TMEM187: variants seen among roughly 807,000 people sequenced by gnomAD.
The protein encoded by TMEM187 is chromosome X open reading frame 12.
Under a neutral mutation model 11.8 loss-of-function variants are expected in TMEM187, and 14 were observed. The ratio of observed to expected loss-of-function variants is 1.18; its 90% CI spans 0.78 to 1.85. TMEM187 has a LOEUF of 1.85. TMEM187 is among the 40% of genes most tolerant of loss of function. The pLI, the probability that TMEM187 is intolerant of heterozygous loss-of-function variation, is 0.00. For synonymous variants in TMEM187, 112 were observed against 118.5 expected (o/e 0.95, Z 0.36); for missense variants, 227 against 243.9 (o/e 0.93, Z 0.46).
At position 153,972,755 on chromosome X, in the gene TMEM187, C is replaced by A. The variant is rs782628409; in HGVS notation, c.-319C>A. On this transcript the variant is annotated 5_prime_UTR_variant, in exon 1 of 2. Transcript: ENST00000369982. ...GAGTCCCGCCCTGCGCGCAGGCGCACCGGCGCTGCTCGGATCCTCCCTTTT... is the reference window on the plus strand; with the variant it reads ...GAGTCCCGCCCTGCGCGCAGGCGCAACGGCGCTGCTCGGATCCTCCCTTTT... 8.9e-6 allele frequency: 1 copy of A among 111,741 alleles called. No homozygotes were observed. Among genetic ancestry groups the A allele is most frequent in the African/African-American group, 3.2e-5 (1 of 31,187 alleles). The allele number at this position is 111,741 out of a possible 1,213,427, so 9.2% of individuals were successfully genotyped here.
rs267606396 is a variant in TMEM187 at position 153,982,709 on chromosome X, G to A, written c.647G>A (p.Arg216Gln). ...VLKLCDHQLARWRLFQCLTGH... is the reference protein window; with the variant it reads ...VLKLCDHQLAQWRLFQCLTGH... Reference sequence around the variant, plus strand: ...AAGCTGTGTGACCATCAGCTCGCACGGTGGCGTCTCTTCCAGTGCCTCACA... The same window carrying A: ...AAGCTGTGTGACCATCAGCTCGCACAGTGGCGTCTCTTCCAGTGCCTCACA... The change falls in exon 2 of 2, where the codon CGG becomes CAG. Residue 216 changes from arginine (R) to glutamine (Q), a missense_variant. Transcript: ENST00000369982. The A allele has an allele frequency of 8.2e-6, 10 of 1,212,271 alleles. No homozygotes were observed. Among genetic ancestry groups the A allele is most frequent in the South Asian group, 1.8e-5 (1 of 57,048 alleles).
At chrX:153,974,687 C>T (rs921124965) in intron 1 of TMEM187, among the ~76,000 whole-genome samples, 1 of 112,200 alleles carries the variant, frequency 8.9e-6, no homozygotes, top group African/African-American at 3.2e-5. Context: ...ACTGGGAGGA[C>T]GGGGCAGGAG....
intron 1 of TMEM187, among the ~76,000 whole-genome samples, chrX:153,980,288 G>A (rs1390502785): frequency 1.8e-5 from 2 of 111,481 alleles, no homozygotes; most frequent in Admixed American, 9.5e-5. Flanking sequence ...GGGCCCAGGA[G>A]GTGGAGGCTG....
In TMEM187 at chrX:153,982,194, C is replaced by G. The variant is rs782644265; in HGVS notation, c.132C>G (p.Pro44=). The G allele has an allele frequency of 5.0e-6, 6 of 1,211,696 alleles. No homozygotes were observed. The South Asian group carries it at 8.8e-5, about 18-fold the overall frequency. Reference sequence around the variant, plus strand: ...GCTATGAGCACTACGCCGAGGCGCCCGTGGCCGGCCTCCCTGCCTTCCTGG... The same window carrying G: ...GCTATGAGCACTACGCCGAGGCGCCGGTGGCCGGCCTCCCTGCCTTCCTGG... ...QVGYEHYAEA[P]VAGLPAFLAM... Residue 44 remains proline (P), a synonymous_variant, in exon 2 of 2, where the codon CCC becomes CCG. Coordinates refer to ENST00000369982, the MANE Select transcript of TMEM187 (RefSeq NM_003492.3).
intron 1 of TMEM187, among the ~76,000 whole-genome samples, chrX:153,978,818 A>T (rs1160191829): frequency 3.0e-5 from 3 of 99,097 alleles, no homozygotes; most frequent in Non-Finnish European, 4.0e-5. Flanking sequence ...ATGAAGTCTC[A>T]CTCTGCCGCC....
Position 153,982,052 on chromosome X carries a change from G to T in TMEM187, c.-11G>T, listed in dbSNP as rs369068453. 5.8e-6 allele frequency: 7 copies of T among 1,212,349 alleles called. No homozygotes were observed. Among genetic ancestry groups the T allele is most frequent in the Admixed American group, 4.3e-5 (2 of 46,165 alleles). ...GAAGCTCCCTGCCCCAGGTCACGCC[G>T]CCGGTTCCAGATGAATCCAGAGTGG... On this transcript the variant is annotated 5_prime_UTR_variant, in exon 2 of 2. Coordinates refer to ENST00000369982, the MANE Select transcript of TMEM187 (RefSeq NM_003492.3).
chrX:153,981,825 C>G, intron 1 of TMEM187, 25 bp from the exon 2 acceptor site: 2 of 533,341 alleles, frequency 3.7e-6, no homozygotes, highest in Admixed American at 7.4e-5. Context: ...TGTTTTCTAA[C>G]CACACTCCTT....
At chrX:153,975,274 G>C (rs2065573064) in intron 1 of TMEM187, among the ~76,000 whole-genome samples, 1 of 111,221 alleles carries the variant, frequency 9.0e-6, no homozygotes, top group African/African-American at 3.3e-5. Flanking sequence ...CTTTCCTGGA[G>C]CATTTCCCCA....
chrX:153,975,794 G>A (rs990117201), intron 1 of TMEM187, among the ~76,000 whole-genome samples: 2 of 105,877 alleles, frequency 1.9e-5, no homozygotes, highest in African/African-American at 3.5e-5. Context: ...ACAGATGTGC[G>A]CCACCACGCC....
chrX:153,983,062 C>T lies in TMEM187; in HGVS notation c.*214C>T. ...TTCAAAGACATAAAGCACAGATCTC[C>T]GCACAGGGGATGTGTGTGTTCCTGA... On this transcript the variant is annotated 3_prime_UTR_variant, in exon 2 of 2. Transcript: ENST00000369982. 4.5e-6 allele frequency: 3 copies of T among 666,223 alleles called. No individual in the cohort carries two copies. Among genetic ancestry groups the T allele is most frequent in the South Asian group, 2.8e-5 (1 of 35,451 alleles). The allele number at this position is 666,223 out of a possible 1,213,427, so 54.9% of individuals were successfully genotyped here.
At position 153,982,858 on chromosome X, in the gene TMEM187, A is replaced by G. The variant is rs782718489; in HGVS notation, c.*10A>G. 18 of 1,210,518 alleles carry G rather than the reference A, an allele frequency of 1.5e-5. No individual in the cohort carries two copies. The African/African-American group carries it at 2.3e-4, about 15-fold the overall frequency. On this transcript the variant is annotated 3_prime_UTR_variant, in exon 2 of 2. Coordinates refer to ENST00000369982, the MANE Select transcript of TMEM187 (RefSeq NM_003492.3). ...CGGGAAGACGCGTTGAACCCAGGGAAGAACCTGCTGAAAACCGATGACCCC... is the reference window on the plus strand; with the variant it reads ...CGGGAAGACGCGTTGAACCCAGGGAGGAACCTGCTGAAAACCGATGACCCC...
intron 1 of TMEM187, chrX:153,981,295 T>A (rs1557122369): frequency 8.8e-6 from 1 of 113,857 alleles, no homozygotes; most frequent in African/African-American, 3.3e-5. Flanking sequence ...GGCTTTATGG[T>A]GGCCTGAGGA....
chrX:153,979,915 T>C (rs1161218655), intron 1 of TMEM187, among the ~76,000 whole-genome samples: 2 of 107,273 alleles, frequency 1.9e-5, no homozygotes, highest in African/African-American at 6.8e-5. Flanking sequence ...TTTTGTATTG[T>C]TTTAGTAGAG....
chrX:153,978,290 A>G (rs1292691410), intron 1 of TMEM187, among the ~76,000 whole-genome samples: 2 of 104,403 alleles, frequency 1.9e-5, no homozygotes, highest in Non-Finnish European at 3.9e-5. Flanking sequence ...TTTTTTTGAG[A>G]CGGAGTCTCA....
exon 2 of TMEM187, chrX:153,983,189 CAG>C: frequency 3.2e-6 from 1 of 311,379 alleles, no homozygotes; most frequent in Non-Finnish European, 5.9e-6. Context: ...CATGGTTGGA[CAG>C]AGAGCGATCG....
intron 1 of TMEM187, among the ~76,000 whole-genome samples, chrX:153,977,113 C>T (rs5987189): frequency 0.027 from 2,972 of 111,535 alleles, 103 homozygotes; most frequent in African/African-American, 0.091. Context: ...AGCTTCATAG[C>T]ATGAATGGAT....
rs2065599706 is a variant in TMEM187, at chrX:153,981,110, G to A, written c.-213-740G>A. On this transcript the variant is annotated intron_variant, in intron 1 of 1. Coordinates refer to ENST00000369982, the MANE Select transcript of TMEM187 (RefSeq NM_003492.3). ...GAGTGCGAAATTTATTAATATGGAAGGGAGAAGAGCTTTAATGATTGGAGT... is the reference window on the plus strand; with the variant it reads ...GAGTGCGAAATTTATTAATATGGAAAGGAGAAGAGCTTTAATGATTGGAGT... 2.8e-5 allele frequency: 3 copies of A among 108,418 alleles called. 1 individual carries two copies. Among genetic ancestry groups the A allele is most frequent in the African/African-American group, 1.0e-4 (3 of 29,448 alleles). The allele number at this position is 108,418 out of a possible 1,213,427, so 8.9% of individuals were successfully genotyped here.
At position 153,982,631 on chromosome X, in the gene TMEM187, C is replaced by T. The variant is rs1557122795; in HGVS notation, c.569C>T (p.Ser190Leu). The change falls in exon 2 of 2, where the codon TCG becomes TTG. Residue 190 changes from serine (S) to leucine (L), a missense_variant. By Grantham distance (145) the Ser-to-Leu change is moderately radical. Coordinates refer to ENST00000369982, the MANE Select transcript of TMEM187 (RefSeq NM_003492.3). Reference sequence around the variant, plus strand: ...CACAGGCACTATGGCAGCACCACCTCGGCTACCTACTTAGCTTTGGGGGTG... The same window carrying T: ...CACAGGCACTATGGCAGCACCACCTTGGCTACCTACTTAGCTTTGGGGGTG... The part of the protein sequence containing the change: ...RTHRHYGSTT[S>L]ATYLALGVLS... 8 of 1,212,137 alleles carry T rather than the reference C, an allele frequency of 6.6e-6. No individual in the cohort carries two copies. Among genetic ancestry groups the T allele is most frequent in the East Asian group, 3.0e-5 (1 of 33,870 alleles).
At chrX:153,975,511 G>A (rs185986156) in intron 1 of TMEM187, among the ~76,000 whole-genome samples, 1,576 of 107,174 alleles carry the variant, frequency 0.015, 31 homozygotes, top group African/African-American at 0.051. Flanking sequence ...TATACTTTTA[G>A]TAGAGATGGG....
Sources: allele counts gnomAD v4.1 joint callset (sites outside exome capture counted in the v4.1 genomes callset), GRCh38; gene constraint gnomAD v4.1.1; transcripts MANE v1.5; gene names NCBI Gene and HGNC (gene_info 2026-07-23, HGNC 2026-07-21).